The following CPNE3 variants were observed in gnomAD, a reference collection of about 807,000 sequenced individuals.
CPNE3 encodes the protein copine 3.
In CPNE3, 68 loss-of-function variants were observed where a neutral mutation model predicts 63.9. The ratio of observed to expected loss-of-function variants is 1.06; its 90% confidence interval spans 0.87 to 1.30. The LOEUF (loss-of-function observed/expected upper bound fraction) is 1.30, where lower values mean the gene tolerates loss of function less well. Ranked by LOEUF, CPNE3 falls within the 50% of genes most tolerant of loss-of-function variation. The pLI, the probability that CPNE3 is intolerant of heterozygous loss-of-function variation, is 0.00. For synonymous variants in CPNE3, 219 were observed against 197.5 expected, an observed-to-expected ratio of 1.11 and a Z score of -0.91; for missense variants, 665 against 578.1, an observed-to-expected ratio of 1.15 and a Z score of -1.54.
chr8:86,540,909 G>C (rs1820921724), intron 8 of CPNE3, among the ~76,000 whole-genome samples: 1 of 151,962 alleles, frequency 6.6e-6, no homozygotes, highest in Admixed American at 6.6e-5. Flanking sequence ...TTTATTCATA[G>C]GCATTTATTT....
intron 2 of CPNE3, among the ~76,000 whole-genome samples, chr8:86,516,771 C>G (rs900329425): frequency 1.1e-4 from 16 of 152,072 alleles, no homozygotes; most frequent in Non-Finnish European, 1.9e-4. Flanking sequence ...TTTTTTCTTA[C>G]TATTGTTAGA....
rs1389008445 is a variant in CPNE3 at position 86,544,821 on chromosome 8, G to C, written c.715G>C (p.Ala239Pro). The change falls in exon 9 of 17, where the codon GCC becomes CCC. Residue 239 changes from alanine (A) to proline (P), a missense_variant. Coordinates refer to ENST00000517490, the MANE Select transcript of CPNE3 (RefSeq NM_003909.5). ...FQTTMTKLKEASRSSPVEFEC... is the reference protein window; with the variant it reads ...FQTTMTKLKEPSRSSPVEFEC... ...GACCACCATGACAAAACTGAAAGAAGCCTCCAGAAGCTCACCTGTAAGTTA... is the reference window on the plus strand; with the variant it reads ...GACCACCATGACAAAACTGAAAGAACCCTCCAGAAGCTCACCTGTAAGTTA... 1.3e-6 allele frequency: 2 copies of C among 1,589,528 alleles called. No homozygotes were observed. The highest frequency in any genetic ancestry group is 3.5e-5 in the Admixed American group (2 of 57,316).
At position 86,558,455 on chromosome 8, in the gene CPNE3, T is replaced by G; in HGVS notation, c.*45T>G. The G allele has an allele frequency of 1.1e-6, 1 of 871,324 alleles. No homozygotes were observed. The highest frequency in any genetic ancestry group is 2.0e-6 in the Non-Finnish European group (1 of 500,374). The allele number at this position is 871,324 out of a possible 1,614,324, so 54.0% of individuals were successfully genotyped here. A position where few individuals can be genotyped will look rare whatever the true frequency, so the allele number is the denominator to read the frequency against. On this transcript the variant is annotated 3_prime_UTR_variant, in exon 17 of 17. Transcript: ENST00000517490. ...TTGTGTTATGTGGAGCAATGCCATC[T>G]CTCACCCCAAATCGTGTATCTGTCA...
chr8:86,543,125 T>C (rs1051462185), intron 8 of CPNE3, among the ~76,000 whole-genome samples: 5 of 152,146 alleles, frequency 3.3e-5, no homozygotes, highest in Admixed American at 2.6e-4. Context: ...CTAAAAATTA[T>C]GGAAATTATT....
At chr8:86,547,537 A>G in intron 10 of CPNE3, 174 bp from the exon 11 acceptor site, 2 of 539,988 alleles carry the variant, frequency 3.7e-6, no homozygotes, top group Non-Finnish European at 6.5e-6. Context: ...GCAGAATTTT[A>G]CAGATTCATG....
chr8:86,541,436 G>T (rs1007627871), intron 8 of CPNE3, among the ~76,000 whole-genome samples: 1 of 152,050 alleles, frequency 6.6e-6, no homozygotes, highest in African/African-American at 2.4e-5. Context: ...GGGCATGGTG[G>T]CTCAGGCCTA....
intron 8 of CPNE3, 106 bp downstream of exon 8, chr8:86,540,440 A>G (rs1369140359): frequency 1.7e-5 from 8 of 471,276 alleles, no homozygotes; most frequent in Non-Finnish European, 2.8e-5. Flanking sequence ...ATGATGTAAG[A>G]CACCTACAGA....
At position 86,532,574 on chromosome 8, in the gene CPNE3, T is replaced by A. The variant is rs1473519502; in HGVS notation, c.453T>A (p.Asp151Glu). 1 of 1,612,546 alleles carries A rather than the reference T, an allele frequency of 6.2e-7. No individual in the cohort carries two copies. The highest frequency in any genetic ancestry group is 8.5e-7 in the Non-Finnish European group (1 of 1,179,256). Residue 151 changes from aspartate (D) to glutamate (E), a missense_variant, in exon 6 of 17, where the codon GAT (aspartate) becomes GAA (glutamate). By Grantham distance (45) the Asp-to-Glu change is conservative. Transcript: ENST00000517490. ...TTGAAATGGAAGCCAGAAAACTGGA[T>A]AATAAGGTGGGTAGACTATGCAGAT... ...VLFEMEARKL[D>E]NKDLFGKSDP...
intron 10 of CPNE3, chr8:86,547,414 T>G: frequency 4.2e-6 from 1 of 239,122 alleles, no homozygotes; most frequent in South Asian, 8.5e-5. Flanking sequence ...TGCTATGCTT[T>G]TTAAAGCCCT....
chr8:86,515,649 T>C (rs1414672897), intron 2 of CPNE3, 150 bp downstream of exon 2: 2 of 152,216 alleles, frequency 1.3e-5, no homozygotes, highest in Admixed American at 6.5e-5. Flanking sequence ...CTGTATGACC[T>C]TGGGCAGGAT....
intron 6 of CPNE3, among the ~76,000 whole-genome samples, chr8:86,536,204 A>T (rs1188362424): frequency 1.3e-5 from 2 of 150,356 alleles, no homozygotes; most frequent in African/African-American, 4.9e-5. Context: ...TTCTGTGTGT[A>T]TGTATACTCA....
chr8:86,524,927 T>C (rs550249123), intron 2 of CPNE3: 6 of 149,952 alleles, frequency 4.0e-5, no homozygotes, highest in Non-Finnish European at 8.9e-5. Context: ...GTGATCTCAC[T>C]GACCGAAACC....
At chr8:86,534,747 C>A (rs895964890) in intron 6 of CPNE3, among the ~76,000 whole-genome samples, 3 of 152,144 alleles carry the variant, frequency 2.0e-5, no homozygotes, top group Non-Finnish European at 4.4e-5. Context: ...TAGAGAGAAA[C>A]TTCCCCACAT....
chr8:86,514,833 C>G (rs1820237337), intron 1 of CPNE3: 2 of 152,430 alleles, frequency 1.3e-5, no homozygotes, highest in East Asian at 3.9e-4. Flanking sequence ...AAGGCCCCGC[C>G]TGGGCCTGGC....
Position 86,554,855 on chromosome 8 carries a change from C to T in CPNE3, c.1125C>T (p.Ile375=). The change falls in exon 15 of 17, where the codon ATC becomes ATT. Residue 375 remains isoleucine, a synonymous_variant. Coordinates refer to ENST00000517490, the MANE Select transcript of CPNE3 (RefSeq NM_003909.5). ...TTATTTGTTTGTTTGTTCTAGGAAT[C>T]CAAGGCATTGTAGAGGCGTATCGGT... The part of the protein sequence containing the change: ...FNPSNPYCNG[I]QGIVEAYRSC... The T allele has an allele frequency of 6.2e-7, 1 of 1,613,004 alleles. No homozygotes were observed.
chr8:86,533,817 G>A (rs535608665), intron 6 of CPNE3, among the ~76,000 whole-genome samples: 17 of 152,250 alleles, frequency 1.1e-4, no homozygotes, highest in Admixed American at 7.2e-4. Flanking sequence ...TGTTTAAAGT[G>A]TGTCTTACGT....
rs1294474803 is a variant in CPNE3 at position 86,548,297 on chromosome 8, G to A, written c.880-4G>A. On this transcript the variant is annotated splice_polypyrimidine_tract_variant and splice_region_variant and intron_variant, in intron 11 of 16. Coordinates refer to ENST00000517490, the MANE Select transcript of CPNE3 (RefSeq NM_003909.5). The stretch of plus-strand genomic sequence containing the variant: ...TACTAAGGGCTGCAATTGTTATTTG[G>A]CAGGTGGGAGTGGACTTCACTGGCT... 1 of 1,613,706 alleles carries A rather than the reference G, an allele frequency of 6.2e-7. No homozygotes were observed. Among genetic ancestry groups the A allele is most frequent in the South Asian group, 1.1e-5 (1 of 91,028 alleles).
At chr8:86,540,413 G>A (rs1000946566) in intron 8 of CPNE3, 79 bp downstream of exon 8, 3 of 642,758 alleles carry the variant, frequency 4.7e-6, no homozygotes, top group Non-Finnish European at 4.7e-6. Context: ...ACATAAGATA[G>A]TATTTAAAGA....
At position 86,528,562 on chromosome 8, in the gene CPNE3, T is replaced by A. The variant is rs772462656; in HGVS notation, c.17T>A (p.Val6Asp). Residue 6 changes from valine to aspartate, a missense_variant, in exon 3 of 17, where the codon GTC becomes GAC. Transcript: ENST00000517490. ...ACTCAAGACATGGCTGCCCAGTGTG[T>A]CACAAAGGTGGCGCTGAATGTTTCC... MAAQC[V>D]TKVALNVSCA... The A allele has an allele frequency of 1.2e-5, 20 of 1,613,946 alleles. No homozygotes were observed. The Admixed American group carries it at 3.2e-4, about 26-fold the overall frequency.
Sources: gnomAD v4.1 joint callset for allele counts (sites outside exome capture counted in the v4.1 genomes callset) on GRCh38, gnomAD v4.1.1 for gene constraint, MANE v1.5 for transcripts, NCBI Gene and HGNC (gene_info 2026-07-23, HGNC 2026-07-21) for gene names.